Variants in ADAM23 observed in about 807,000 individuals in gnomAD.
ADAM23 encodes the protein ADAM metallopeptidase domain 23.
In ADAM23, 33 loss-of-function variants were observed where a neutral mutation model predicts 120.1. The ratio of observed to expected loss-of-function variants is 0.27; its 90% CI spans 0.21 to 0.37. The LOEUF (loss-of-function observed/expected upper bound fraction) is 0.37. ADAM23 is among the 10% of genes least tolerant of loss of function. The pLI is 1.00. For synonymous variants in ADAM23, 367 were observed against 375.2 expected (o/e 0.98, Z 0.25); for missense variants, 862 against 1,058.2 (o/e 0.81, Z 2.57).
rs34489352 is a variant in ADAM23 at position 206,508,655 on chromosome 2, C to CAA, written c.510-22214_510-22213dup. ...TGGACTGAGACTGAGACTCTGTCTC[C>CAA]AAAAAAAAAAAAAAAAAGAAAGAAA... On this transcript the variant is annotated intron_variant, in intron 3 of 25. Transcript: ENST00000264377. 3.1e-4 allele frequency among the ~76,000 whole-genome samples: 31 copies of CAA among 100,880 alleles called. No individual in the cohort carries two copies. In the East Asian group the frequency reaches 3.2e-3, roughly 10 times the overall value. 66.2% of individuals were successfully genotyped at this position (100,880 alleles called of 152,430 possible). A position where few individuals can be genotyped will look rare whatever the true frequency, so the allele number is the denominator to read the frequency against.
At chr2:206,590,027 A>G (rs1045923255) in intron 21 of ADAM23, among the ~76,000 whole-genome samples, 1 of 152,194 alleles carries the variant, frequency 6.6e-6, no homozygotes, top group African/African-American at 2.4e-5. Context: ...AAAAGCATCT[A>G]GTTAGTACAT....
chr2:206,578,325 A>G (rs2105837636), intron 18 of ADAM23, among the ~76,000 whole-genome samples: 1 of 152,006 alleles, frequency 6.6e-6, no homozygotes, highest in South Asian at 2.1e-4. Context: ...ACTGCACCAT[A>G]TTTGTAGTCT....
At chr2:206,520,827 T>C (rs1433586553) in intron 3 of ADAM23, among the ~76,000 whole-genome samples, 1 of 152,050 alleles carries the variant, frequency 6.6e-6, no homozygotes, top group Non-Finnish European at 1.5e-5. Flanking sequence ...TCCCTTTCCT[T>C]TGAAAGTCCT....
At chr2:206,444,769 T>C (rs911447957) in intron 1 of ADAM23, among the ~76,000 whole-genome samples, 2 of 152,054 alleles carry the variant, frequency 1.3e-5, no homozygotes, top group Non-Finnish European at 2.9e-5. Context: ...TTTGCTCATC[T>C]TAAAGTTAAA....
intron 2 of ADAM23, among the ~76,000 whole-genome samples, chr2:206,472,089 T>C (rs185383557): frequency 1.3e-5 from 2 of 152,272 alleles, no homozygotes; most frequent in East Asian, 1.9e-4. Context: ...TCAGTGAAAG[T>C]GTATTGTTAC....
At chr2:206,476,074 T>C (rs1285428090) in intron 2 of ADAM23, among the ~76,000 whole-genome samples, 1 of 152,192 alleles carries the variant, frequency 6.6e-6, no homozygotes, top group Non-Finnish European at 1.5e-5. Context: ...TTACTGACTT[T>C]TGCGGTCTCT....
chr2:206,592,004 T>A (rs941268778), intron 21 of ADAM23, among the ~76,000 whole-genome samples: 2 of 152,206 alleles, frequency 1.3e-5, no homozygotes, highest in Admixed American at 6.5e-5. Context: ...CATTGTTTAC[T>A]TAACAGATAG....
intron 2 of ADAM23, among the ~76,000 whole-genome samples, chr2:206,451,539 C>T (rs1695194032): frequency 6.6e-6 from 1 of 152,210 alleles, no homozygotes; most frequent in African/African-American, 2.4e-5. Flanking sequence ...TGTGCCTGGC[C>T]TAGTGTAACA....
At chr2:206,577,029 A>G (rs1380408420) in intron 18 of ADAM23, among the ~76,000 whole-genome samples, 2 of 152,142 alleles carry the variant, frequency 1.3e-5, no homozygotes, top group Middle Eastern at 3.2e-3. Flanking sequence ...AGGTTCTGGA[A>G]TGACATTTAG....
At chr2:206,561,638 C>T (rs1697769032) in intron 12 of ADAM23, among the ~76,000 whole-genome samples, 2 of 152,038 alleles carry the variant, frequency 1.3e-5, no homozygotes, top group Admixed American at 6.6e-5. Context: ...ATGCCTTCTA[C>T]CTACCTATCT....
At chr2:206,606,783 A>G (rs1252013516) in intron 24 of ADAM23, 8 of 152,028 alleles carry the variant, frequency 5.3e-5, no homozygotes, top group Non-Finnish European at 1.0e-4. Flanking sequence ...TTCTCTCTCT[A>G]ATTAGAAAAA....
intron 2 of ADAM23, among the ~76,000 whole-genome samples, chr2:206,454,773 C>A (rs932996075): frequency 1.3e-4 from 20 of 152,244 alleles, no homozygotes; most frequent in African/African-American, 4.1e-4. Context: ...CCTAGCAGGA[C>A]AGTCACTAAA....
chr2:206,528,971 A>G (rs751628703), intron 3 of ADAM23, among the ~76,000 whole-genome samples: 3 of 152,320 alleles, frequency 2.0e-5, no homozygotes, highest in East Asian at 1.9e-4. Flanking sequence ...ATCACTTGTC[A>G]TTATTCCTAG....
chr2:206,604,082 T>C (rs748612430), intron 24 of ADAM23, among the ~76,000 whole-genome samples: 3 of 151,804 alleles, frequency 2.0e-5, no homozygotes, highest in Non-Finnish European at 4.4e-5. Context: ...CTGGCCAATA[T>C]GGTGAAACCC....
In ADAM23 at chr2:206,620,613, A is replaced by G. The variant is rs1340357476; in HGVS notation, c.*2986A>G. 1 of 152,148 alleles carries G rather than the reference A, an allele frequency of 6.6e-6. No homozygotes were observed. The highest frequency in any genetic ancestry group is 1.5e-5 in the Non-Finnish European group (1 of 68,036). The allele number at this position is 152,148 out of a possible 1,614,324, so 9.4% of individuals were successfully genotyped here. ...CAAGAGTTAGTGTTAAGTGATGATC[A>G]AGTTCCCATTTCACCTGCTCTACTT... On this transcript the variant is annotated 3_prime_UTR_variant, in exon 26 of 26. Coordinates refer to ENST00000264377, the MANE Select transcript of ADAM23 (RefSeq NM_003812.4).
intron 18 of ADAM23, among the ~76,000 whole-genome samples, chr2:206,583,220 C>G (rs996057376): frequency 2.0e-5 from 3 of 152,150 alleles, no homozygotes; most frequent in Non-Finnish European, 4.4e-5. Context: ...TTTGGGAGGC[C>G]AAGGCGGGCG....
chr2:206,480,474 T>C (rs182206869), intron 2 of ADAM23, among the ~76,000 whole-genome samples: 266 of 152,100 alleles, frequency 1.7e-3, no homozygotes, highest in Non-Finnish European at 2.7e-3. Context: ...TTTTTTTTTT[T>C]TTCCTGATAG....
At chr2:206,473,321 A>G (rs1695699105) in intron 2 of ADAM23, among the ~76,000 whole-genome samples, 1 of 152,144 alleles carries the variant, frequency 6.6e-6, no homozygotes, top group African/African-American at 2.4e-5. Context: ...TCTTCCTCAT[A>G]AGCCATTCTC....
At chr2:206,557,281 C>T in intron 9 of ADAM23, 146 bp from the exon 10 acceptor site, 3 of 651,452 alleles carry the variant, frequency 4.6e-6, no homozygotes, top group Non-Finnish European at 7.9e-6. Flanking sequence ...AGAAGTAACA[C>T]CACCAAATCC....
Sources: allele counts gnomAD v4.1 joint callset (sites outside exome capture counted in the v4.1 genomes callset), GRCh38; gene constraint gnomAD v4.1.1; transcripts MANE v1.5; gene names NCBI Gene and HGNC (gene_info 2026-07-23, HGNC 2026-07-21).